SYDE2: variants seen among roughly 807,000 people sequenced by gnomAD.
SYDE2 encodes synapse defective Rho GTPase homolog 2, also known as rho GTPase-activating protein SYDE2.
SYDE2 carries 76 observed loss-of-function variants against 91.5 expected under a neutral mutation model. That is an observed-to-expected ratio of 0.83 (90% CI 0.69 to 1.01). The LOEUF (loss-of-function observed/expected upper bound fraction) is 1.01. SYDE2 is among the 50% of genes least tolerant of loss of function. SYDE2 has a pLI of 0.00. For missense variants in SYDE2, 1,364 were observed against 1,367.7 expected (o/e 1.00, Z 0.04); for synonymous variants, 513 against 506.4 (o/e 1.01, Z -0.18).
rs1169638616 is a variant in SYDE2, at chr1:85,169,816, A to T, written c.2672-591T>A. On this transcript the variant is annotated intron_variant, in intron 4 of 6. Transcript: ENST00000341460. ...CAAACAAATAAAACCAAAAGCTAAG[A>T]ACAGAAAACATCAGACGTGTCACTA... Among the ~76,000 whole-genome samples, 4 of 152,336 alleles carry T rather than the reference A, an allele frequency of 2.6e-5. No homozygotes were observed. The South Asian group carries it at 6.2e-4, about 24-fold the overall frequency.
rs1474111830 is a variant in SYDE2 at position 85,191,035 on chromosome 1, C to A, written c.746-283G>T. 2.0e-5 allele frequency among the ~76,000 whole-genome samples: 3 copies of A among 152,014 alleles called. 1 individual carries two copies. The highest frequency in any genetic ancestry group is 4.2e-4 in the South Asian group (2 of 4,816). On this transcript the variant is annotated intron_variant, in intron 1 of 6. Coordinates refer to ENST00000341460, the MANE Select transcript of SYDE2 (RefSeq NM_032184.2). The stretch of plus-strand genomic sequence containing the variant: ...AAACTATAGTGCTAACAAAGCCTTA[C>A]CCTAAGCAAAACATACCTTATAAAA...
chr1:85,168,945 G>C lies in SYDE2; in HGVS notation c.2853+99C>G, dbSNP rs531548684. The C allele has an allele frequency of 1.6e-3, 1,797 of 1,090,616 alleles. 38 individuals carry two copies. In the South Asian group the frequency reaches 0.023, roughly 14 times the overall value. The allele number at this position is 1,090,616 out of a possible 1,614,324, so 67.6% of individuals were successfully genotyped here. Reference sequence around the variant, plus strand: ...TGGCAGAGCTTTTAAATCCATGAGTGCCACAAATGTCAAATATCTAAAATT... The same window carrying C: ...TGGCAGAGCTTTTAAATCCATGAGTCCCACAAATGTCAAATATCTAAAATT... On this transcript the variant is annotated intron_variant, in intron 5 of 6. Transcript: ENST00000341460.
chr1:85,182,818 G>A lies in SYDE2; in HGVS notation c.1824C>T (p.Asn608=), dbSNP rs1657984590. ...TGCAGGAATACTTAGAACTCATAGA[G>A]TTTTTCTTCTGGTAGCTCTGCTGGG... ...VSSQQSYQKK[N]SMSSKYSCKG... The change falls in exon 3 of 7, where the codon AAC becomes AAT. Residue 608 remains asparagine (N), a synonymous_variant. Coordinates refer to ENST00000341460, the MANE Select transcript of SYDE2 (RefSeq NM_032184.2). 3.1e-6 allele frequency: 5 copies of A among 1,613,908 alleles called. No homozygotes were observed. The highest frequency in any genetic ancestry group is 2.2e-5 in the South Asian group (2 of 91,082).
intron 3 of SYDE2, among the ~76,000 whole-genome samples, chr1:85,180,934 A>G (rs1657890725): frequency 6.6e-6 from 1 of 152,118 alleles, no homozygotes; most frequent in Non-Finnish European, 1.5e-5. Flanking sequence ...AAGATAAAAG[A>G]AAAAAACAGA....
Position 85,190,631 on chromosome 1 carries a change from A to G in SYDE2, c.867T>C (p.Asn289=), listed in dbSNP as rs764958396. The G allele has an allele frequency of 3.7e-6, 6 of 1,613,960 alleles. No homozygotes were observed. The highest frequency in any genetic ancestry group is 4.2e-6 in the Non-Finnish European group (5 of 1,179,876). ...LNSITVSKKR[N]WLYQSTLRPL... ...GCCTCAGAGTACTCTGATATAGCCA[A>G]TTGCGTTTCTTTGAAACAGTGATGC... The change falls in exon 2 of 7, where the codon AAT becomes AAC. Residue 289 remains asparagine, a synonymous_variant. Transcript: ENST00000341460.
chr1:85,162,469 T>G (rs531430235), intron 6 of SYDE2, among the ~76,000 whole-genome samples: 1 of 152,314 alleles, frequency 6.6e-6, no homozygotes, highest in South Asian at 2.1e-4. Flanking sequence ...GTAAAACTGT[T>G]GTTTCTTCTC....
In SYDE2 at chr1:85,157,508, A is replaced by G. The variant is rs190506048; in HGVS notation, c.*1242T>C. The G allele has an allele frequency of 6.6e-6, 1 of 152,304 alleles. No homozygotes were observed. The highest frequency in any genetic ancestry group is 2.4e-5 in the African/African-American group (1 of 41,582). The allele number at this position is 152,304 out of a possible 1,614,324, so 9.4% of individuals were successfully genotyped here. A position where few individuals can be genotyped will look rare whatever the true frequency, so the allele number is the denominator to read the frequency against. On this transcript the variant is annotated 3_prime_UTR_variant, in exon 7 of 7. Transcript: ENST00000341460. ...ATAATTAAAACAAAGCAGAATATAA[A>G]AATGCATAGAACAGGAGCAGATTTA... is the stretch of plus-strand genomic sequence containing the variant.
intron 3 of SYDE2, among the ~76,000 whole-genome samples, chr1:85,179,312 T>A (rs1457592789): frequency 6.6e-6 from 1 of 152,172 alleles, no homozygotes; most frequent in Non-Finnish European, 1.5e-5. Context: ...GGAAGAAGTA[T>A]ACAAATGAAA....
At chr1:85,167,805 A>T (rs768500512) in intron 5 of SYDE2, among the ~76,000 whole-genome samples, 29 of 152,204 alleles carry the variant, frequency 1.9e-4, no homozygotes, top group Non-Finnish European at 4.0e-4. Context: ...TTCTTCACTT[A>T]TAAGTGGCAC....
rs764759733 is a variant in SYDE2 at position 85,190,483 on chromosome 1, T to G, written c.1015A>C (p.Thr339Pro). The part of the protein sequence containing the change: ...SFLKSSKEYC[T>P]YVVCNATNSS... Reference sequence around the variant, plus strand: ...TTTGTAGCGTTACATACCACATATGTACAGTACTCTTTAGATGATTTGAGG... The same window carrying G: ...TTTGTAGCGTTACATACCACATATGGACAGTACTCTTTAGATGATTTGAGG... The change falls in exon 2 of 7, where the codon ACA becomes CCA. Residue 339 changes from threonine to proline, a missense_variant. Physicochemically the swap from Thr to Pro is conservative, Grantham distance 38. Transcript: ENST00000341460. The G allele has an allele frequency of 6.2e-7, 1 of 1,614,048 alleles. No homozygotes were observed. The highest frequency in any genetic ancestry group is 8.5e-7 in the Non-Finnish European group (1 of 1,179,894).
At chr1:85,159,966 T>A in intron 6 of SYDE2, 3 of 984,776 alleles carry the variant, frequency 3.0e-6, no homozygotes, top group Non-Finnish European at 3.6e-6. Context: ...TCTGAGAGTA[T>A]GCATTGTGCT....
chr1:85,197,269 T>C (rs1255639795), intron 1 of SYDE2, among the ~76,000 whole-genome samples: 1 of 152,220 alleles, frequency 6.6e-6, no homozygotes, highest in South Asian at 2.1e-4. Context: ...TATAATACTA[T>C]CAAAAGTTCT....
At chr1:85,189,867 G>C (rs928226113) in intron 2 of SYDE2, among the ~76,000 whole-genome samples, 190 bp downstream of exon 2, 2 of 152,128 alleles carry the variant, frequency 1.3e-5, no homozygotes, top group African/African-American at 2.4e-5. Flanking sequence ...GTCTGTGATA[G>C]TAATAATTAA....
In SYDE2 at chr1:85,182,561, G is replaced by A. The variant is rs766206019; in HGVS notation, c.2081C>T (p.Pro694Leu). 1.2e-6 allele frequency: 2 copies of A among 1,613,804 alleles called. No homozygotes were observed. The highest frequency in any genetic ancestry group is 2.2e-5 in the East Asian group (1 of 44,862). ...GACGTCTTTTGAATCTATCCGAGGT[G>A]GTTTTAAATCCTCAGCACCATAGAA... ...VHFYGAEDLK[P>L]PRIDSKDVFC... The change falls in exon 3 of 7, where the codon CCA (proline) becomes CTA (leucine). Residue 694 changes from proline to leucine, a missense_variant. Transcript: ENST00000341460.
intron 6 of SYDE2, chr1:85,160,216 T>TA: frequency 2.0e-6 from 2 of 977,960 alleles, no homozygotes; most frequent in Non-Finnish European, 2.4e-6. Context: ...ACACCAACTT[T>TA]ATACTCTCCA....
Position 85,200,322 on chromosome 1 carries a change from A to G in SYDE2, c.675T>C (p.Asn225=). The G allele has an allele frequency of 1.2e-6, 2 of 1,613,878 alleles. No individual in the cohort carries two copies. Among genetic ancestry groups the G allele is most frequent in the East Asian group, 2.2e-5 (1 of 44,874 alleles). Residue 225 remains asparagine, a synonymous_variant, in exon 1 of 7, where the codon AAT becomes AAC. Transcript: ENST00000341460. ...TTTCACGCACTTTCAAAGCGCCCACATTTGGGGAGGCTGCCTGCGTTCCTG... is the reference window on the plus strand; with the variant it reads ...TTTCACGCACTTTCAAAGCGCCCACGTTTGGGGAGGCTGCCTGCGTTCCTG... ...KVTGTQAASP[N]VGALKVRENR... is the part of the protein sequence containing the mutation.
chr1:85,166,274 G>A (rs1377862707), intron 5 of SYDE2, among the ~76,000 whole-genome samples: 1 of 151,744 alleles, frequency 6.6e-6, no homozygotes, highest in Non-Finnish European at 1.5e-5. Flanking sequence ...GGGAGGCAGA[G>A]GTTTCAGTGA....
chr1:85,182,220 T>C lies in SYDE2; in HGVS notation c.2422A>G (p.Asn808Asp). Residue 808 changes from asparagine (N) to aspartate (D), a missense_variant, in exon 3 of 7, where the codon AAC (asparagine) becomes GAC (aspartate). Asn to Asp is a conservative substitution (Grantham distance 23). Transcript: ENST00000341460. Reference protein sequence around the residue: ...WENSLHGLDINQEPIIFGVDI... With the variant: ...WENSLHGLDIDQEPIIFGVDI... Reference sequence around the variant, plus strand: ...ACTCCAAATATTATTGGTTCTTGGTTTATATCTAGTCCATGAAGAGAATTC... The same window carrying C: ...ACTCCAAATATTATTGGTTCTTGGTCTATATCTAGTCCATGAAGAGAATTC... 6.2e-7 allele frequency: 1 copy of C among 1,610,058 alleles called. No homozygotes were observed. The highest frequency in any genetic ancestry group is 8.5e-7 in the Non-Finnish European group (1 of 1,178,410).
rs759689490 is a variant in SYDE2, at chr1:85,182,330, C to T, written c.2312G>A (p.Arg771Lys). 1.2e-6 allele frequency: 2 copies of T among 1,613,848 alleles called. No homozygotes were observed. Among genetic ancestry groups the T allele is most frequent in the Non-Finnish European group, 1.7e-6 (2 of 1,179,846 alleles). ...AGCCAACTGATGAGTCTTTGTCACT[C>T]TAAATAAGGTGGGAAGAACAACAGT... The part of the protein sequence containing the change: ...HGTVVLPTLF[R>K]VTKTHQLAVK... The change falls in exon 3 of 7, where the codon AGA becomes AAA. Residue 771 changes from arginine (R) to lysine (K), a missense_variant. Physicochemically the swap from Arg to Lys is conservative, Grantham distance 26. Coordinates refer to ENST00000341460, the MANE Select transcript of SYDE2 (RefSeq NM_032184.2).
Sources: allele counts gnomAD v4.1 joint callset (sites outside exome capture counted in the v4.1 genomes callset), GRCh38; gene constraint gnomAD v4.1.1; transcripts MANE v1.5; gene names NCBI Gene and HGNC (gene_info 2026-07-23, HGNC 2026-07-21).